The following ANKRD30BL variants were observed in gnomAD, a reference collection of about 807,000 sequenced individuals.
ANKRD30BL encodes putative ankyrin repeat domain-containing protein 30B-like.
A neutral mutation model predicts 18.4 loss-of-function variants in ANKRD30BL; 20 were observed. That is an observed-to-expected ratio of 1.09 (90% CI 0.77 to 1.58). The LOEUF (loss-of-function observed/expected upper bound fraction) is 1.58. ANKRD30BL is among the 40% of genes most tolerant of loss of function. ANKRD30BL has a pLI of 0.00. For synonymous variants in ANKRD30BL, 72 were observed against 100.9 expected (o/e 0.71, Z 1.72); for missense variants, 224 against 268.6 (o/e 0.83, Z 1.16).
chr2:132,184,988 A>G (rs575840021), intron 1 of ANKRD30BL, among the ~76,000 whole-genome samples: 162 of 151,966 alleles, frequency 1.1e-3, no homozygotes, highest in South Asian at 2.1e-4. Flanking sequence ...AATTTTTTGT[A>G]TTTTTAGTAG....
At chr2:132,254,097 G>A (rs374435626) in intron 1 of ANKRD30BL, among the ~76,000 whole-genome samples, 5 of 151,446 alleles carry the variant, frequency 3.3e-5, no homozygotes, top group African/African-American at 9.7e-5. Context: ...CCACAGCAGG[G>A]GACTGCTCCC....
At chr2:132,223,286 T>C (rs979253465) in intron 1 of ANKRD30BL, among the ~76,000 whole-genome samples, 1 of 152,140 alleles carries the variant, frequency 6.6e-6, no homozygotes, top group African/African-American at 2.4e-5. Flanking sequence ...TATATTCACA[T>C]AAACACTAGA....
intron 1 of ANKRD30BL, among the ~76,000 whole-genome samples, chr2:132,198,209 G>A (rs1432245735): frequency 4.0e-5 from 6 of 149,078 alleles, no homozygotes; most frequent in Admixed American, 2.7e-4. Context: ...CATTTTTCTT[G>A]TTGAAGATGC....
intron 1 of ANKRD30BL, among the ~76,000 whole-genome samples, chr2:132,242,180 G>C (rs58508988): frequency 6.6e-6 from 1 of 151,554 alleles, no homozygotes; most frequent in African/African-American, 2.4e-5. Flanking sequence ...TGAGGATTTC[G>C]TTGGAAACGG....
chr2:132,149,871 TC>T (rs1687712038), intron 5 of ANKRD30BL, among the ~76,000 whole-genome samples: 1 of 152,190 alleles, frequency 6.6e-6, no homozygotes, highest in Non-Finnish European at 1.5e-5. Context: ...ATATATTTCT[TC>T]CTCTTTATAA....
At position 132,198,255 on chromosome 2, in the gene ANKRD30BL, CCTT is replaced by C. The variant is rs1209220138; in HGVS notation, n.442-41112_442-41110del. 1.1e-3 allele frequency among the ~76,000 whole-genome samples: 155 copies of C among 138,186 alleles called. 2 individuals carry two copies. Among genetic ancestry groups the C allele is most frequent in the African/African-American group, 4.4e-3 (142 of 32,200 alleles). 90.7% of individuals were successfully genotyped at this position (138,186 alleles called of 152,430 possible). On this transcript the variant is annotated intron_variant and non_coding_transcript_variant, in intron 1 of 4. Transcript: ENST00000470729. ...TTTTTCTCTTTCATAATTTACTATA[CCTT>C]CTTTCTTTCTTTTCTTTCTTTCTTT...
intron 1 of ANKRD30BL, among the ~76,000 whole-genome samples, chr2:132,245,686 A>T (rs988183565): frequency 6.6e-6 from 1 of 152,270 alleles, no homozygotes; most frequent in Non-Finnish European, 1.5e-5. Context: ...ACAGAGTTGA[A>T]CTTTTCTTTT....
At chr2:132,221,150 G>C (rs1558941133) in intron 1 of ANKRD30BL, among the ~76,000 whole-genome samples, 1 of 146,690 alleles carries the variant, frequency 6.8e-6, no homozygotes, top group Non-Finnish European at 1.5e-5. Context: ...GGGAAGTGAG[G>C]AGCATCTCCG....
intron 1 of ANKRD30BL, among the ~76,000 whole-genome samples, chr2:132,215,167 G>C (rs7606222): frequency 0.054 from 8,120 of 151,134 alleles, 27 homozygotes; most frequent in South Asian, 0.11. Context: ...GGCCTATGGT[G>C]GAAAAGGAAA....
upstream of ANKRD30BL, among the ~76,000 whole-genome samples, chr2:132,164,404 C>A (rs1479918703): frequency 6.6e-6 from 1 of 151,720 alleles, no homozygotes; most frequent in African/African-American, 2.4e-5. Flanking sequence ...GATTCTCCTG[C>A]CTCAGCCTCC....
At chr2:132,173,510 G>C (rs1688315950) in intron 1 of ANKRD30BL, among the ~76,000 whole-genome samples, 1 of 151,790 alleles carries the variant, frequency 6.6e-6, no homozygotes, top group African/African-American at 2.4e-5. Flanking sequence ...TGTTAGTCAG[G>C]ATGGTCTCGA....
chr2:132,237,806 C>T (rs561382063), intron 1 of ANKRD30BL, among the ~76,000 whole-genome samples: 1 of 152,002 alleles, frequency 6.6e-6, no homozygotes, highest in African/African-American at 2.4e-5. Flanking sequence ...AAAAACTAGA[C>T]AGAAGAATTC....
rs149120389 is a variant in ANKRD30BL, at chr2:132,255,281, G to A, written n.441+2248C>T. The stretch of plus-strand genomic sequence containing the variant: ...CGGTGCAATATGAATGCCCCCGGCC[G>A]TCCCTCTTAATCATGGCCTCAGTTC... On this transcript the variant is annotated intron_variant and non_coding_transcript_variant, in intron 1 of 4. Coordinates refer to the ANKRD30BL transcript ENST00000470729. Among the ~76,000 whole-genome samples, 12 of 152,252 alleles carry A rather than the reference G, an allele frequency of 7.9e-5. No individual in the cohort carries two copies. In the East Asian group the frequency reaches 2.3e-3, roughly 29 times the overall value.
intron 1 of ANKRD30BL, among the ~76,000 whole-genome samples, chr2:132,215,868 C>T (rs1294950260): frequency 2.0e-5 from 3 of 152,032 alleles, no homozygotes; most frequent in Non-Finnish European, 4.4e-5. Flanking sequence ...GAAATATCTT[C>T]ACATAATAAC....
At chr2:132,172,480 T>C (rs1688299393) in intron 1 of ANKRD30BL, among the ~76,000 whole-genome samples, 1 of 152,214 alleles carries the variant, frequency 6.6e-6, no homozygotes, top group Admixed American at 6.5e-5. Context: ...GCTAGTGATA[T>C]TAAGCCTCTT....
intron 1 of ANKRD30BL, among the ~76,000 whole-genome samples, chr2:132,160,605 A>C (rs947162578): frequency 1.3e-5 from 2 of 149,838 alleles, no homozygotes; most frequent in Non-Finnish European, 3.0e-5. Context: ...CGCCCGGCTA[A>C]TTTTTTGTAT....
intron 1 of ANKRD30BL, among the ~76,000 whole-genome samples, chr2:132,219,138 G>T (rs376753520): frequency 6.7e-6 from 1 of 148,878 alleles, no homozygotes; most frequent in Non-Finnish European, 1.5e-5. Context: ...GGAAAGGGGA[G>T]TATCTTCACA....
intron 1 of ANKRD30BL, among the ~76,000 whole-genome samples, chr2:132,244,911 T>C (rs200418770): frequency 0.14 from 43 of 318 alleles, no homozygotes; most frequent in Admixed American, 0.17. Flanking sequence ...TTGAGGCCTA[T>C]GGTGAAAAAG....
intron 1 of ANKRD30BL, among the ~76,000 whole-genome samples, chr2:132,187,519 T>C (rs1399775876): frequency 1.3e-5 from 2 of 151,848 alleles, no homozygotes; most frequent in South Asian, 2.1e-4. Context: ...TTTCACCGTG[T>C]TAGCAAGGAT....
Sources: allele counts gnomAD v4.1 joint callset (sites outside exome capture counted in the v4.1 genomes callset), GRCh38; gene constraint gnomAD v4.1.1; transcripts MANE v1.5; gene names NCBI Gene and HGNC (gene_info 2026-07-23, HGNC 2026-07-21).